The following PTPRG variants were observed in gnomAD, a reference collection of about 807,000 sequenced individuals.
The protein encoded by PTPRG is protein tyrosine phosphatase receptor type G.
A neutral mutation model predicts 165.3 loss-of-function variants in PTPRG; 102 were observed. That is an observed-to-expected ratio of 0.62 (90% CI 0.53 to 0.73). The LOEUF is 0.73. PTPRG is among the 30% of genes least tolerant of loss of function. The probability of loss-of-function intolerance (pLI) is 0.00; values close to 1 mark genes in which losing one functional copy is unlikely to be tolerated. For synonymous variants in PTPRG, 675 were observed against 669.5 expected, an observed-to-expected ratio of 1.01 and a Z score of -0.13; for missense variants, 1,866 against 1,861.4, an observed-to-expected ratio of 1.00 and a Z score of -0.05.
intron 3 of PTPRG, among the ~76,000 whole-genome samples, chr3:61,994,835 G>C (rs764221607): frequency 6.6e-6 from 1 of 152,162 alleles, no homozygotes; most frequent in African/African-American, 2.4e-5. Context: ...ATGTAGCTCT[G>C]CTGCTCTGCT....
At position 62,255,023 on chromosome 3, in the gene PTPRG, C is replaced by G; in HGVS notation, c.2468-101C>G. Reference sequence around the variant, plus strand: ...TGTGATACAATTATTTTGCTCTTTGCAAAAATCAAGTATTTGTCTTAAGGA... The same window carrying G: ...TGTGATACAATTATTTTGCTCTTTGGAAAAATCAAGTATTTGTCTTAAGGA... On this transcript the variant is annotated intron_variant, in intron 15 of 29. Transcript: ENST00000474889. The surrounding 1 kb of genome is among the most constrained non-coding windows in gnomAD (Gnocchi z 4.0). 9.9e-7 allele frequency: 1 copy of G among 1,011,576 alleles called. No homozygotes were observed. 62.7% of individuals were successfully genotyped at this position (1,011,576 alleles called of 1,614,324 possible). A position where few individuals can be genotyped will look rare whatever the true frequency, so the allele number is the denominator to read the frequency against.
In PTPRG at chr3:62,269,186, G is replaced by C. The variant is rs1012172155; in HGVS notation, c.3009+17G>C. The stretch of plus-strand genomic sequence containing the variant: ...GTGAAAAAGGTATGGAAGGAATTGG[G>C]TAGGCTGCCAGGGCATCCCCTTTTT... On this transcript the variant is annotated intron_variant, in intron 20 of 29. Transcript: ENST00000474889. 6 of 1,565,798 alleles carry C rather than the reference G, an allele frequency of 3.8e-6. No individual in the cohort carries two copies. In the South Asian group the frequency reaches 7.1e-5, roughly 18 times the overall value.
chr3:61,905,568 C>T (rs778385872), intron 2 of PTPRG, among the ~76,000 whole-genome samples: 1 of 152,182 alleles, frequency 6.6e-6, no homozygotes, highest in Non-Finnish European at 1.5e-5. Flanking sequence ...TTGTTAGACA[C>T]GTAACACAAA....
chr3:61,986,525 A>C (rs529674571), intron 2 of PTPRG, among the ~76,000 whole-genome samples: 12 of 152,310 alleles, frequency 7.9e-5, no homozygotes, highest in African/African-American at 2.9e-4. Flanking sequence ...AATGAGAAAC[A>C]CTATTACATT....
intron 1 of PTPRG, among the ~76,000 whole-genome samples, chr3:61,637,299 C>T (rs2106943686): frequency 6.6e-6 from 1 of 152,278 alleles, no homozygotes. Flanking sequence ...TCTTGTCCCA[C>T]TTATTATCAG....
At chr3:62,110,002 A>C in intron 5 of PTPRG, among the ~76,000 whole-genome samples, 1 of 151,672 alleles carries the variant, frequency 6.6e-6, no homozygotes, top group Non-Finnish European at 1.5e-5. Flanking sequence ...TCAAGGTCTA[A>C]ATATCAGCCT....
At chr3:62,247,374 C>A (rs577268734) in intron 15 of PTPRG, among the ~76,000 whole-genome samples, 1 of 152,118 alleles carries the variant, frequency 6.6e-6, no homozygotes, top group Non-Finnish European at 1.5e-5. Context: ...GATATTGATT[C>A]ATTAAATCAA....
chr3:61,837,046 G>A (rs1489617282), intron 2 of PTPRG, among the ~76,000 whole-genome samples: 3 of 152,182 alleles, frequency 2.0e-5, no homozygotes, highest in African/African-American at 7.2e-5. Context: ...GAGTAGCTGG[G>A]ATTACAGGTA....
chr3:62,277,290 C>G (rs1702261726), intron 25 of PTPRG, among the ~76,000 whole-genome samples: 1 of 152,090 alleles, frequency 6.6e-6, no homozygotes. Flanking sequence ...TTTCACACAT[C>G]TAGTCTTTGA....
At chr3:61,589,324 A>G (rs912198947) in intron 1 of PTPRG, among the ~76,000 whole-genome samples, 4 of 152,142 alleles carry the variant, frequency 2.6e-5, no homozygotes, top group African/African-American at 9.7e-5. Context: ...CTCTAATACC[A>G]TCTCATTAAG....
At chr3:61,904,926 C>A (rs1553689012) in intron 2 of PTPRG, among the ~76,000 whole-genome samples, 1 of 149,420 alleles carries the variant, frequency 6.7e-6, no homozygotes, top group South Asian at 2.1e-4. Flanking sequence ...TTTTTTGATG[C>A]TCAAAAGTAA....
intron 1 of PTPRG, among the ~76,000 whole-genome samples, chr3:61,564,664 T>A (rs998846108): frequency 6.6e-6 from 1 of 152,098 alleles, no homozygotes; most frequent in Non-Finnish European, 1.5e-5. Flanking sequence ...ATATCAGAGC[T>A]CTGGGAGACG....
intron 2 of PTPRG, among the ~76,000 whole-genome samples, chr3:61,923,252 G>T (rs190194126): frequency 2.5e-4 from 38 of 152,270 alleles, no homozygotes; most frequent in African/African-American, 8.9e-4. Flanking sequence ...TGTGTCAGTG[G>T]AGACCCTGAG....
At chr3:61,914,869 G>A (rs1345609315) in intron 2 of PTPRG, among the ~76,000 whole-genome samples, 1 of 152,188 alleles carries the variant, frequency 6.6e-6, no homozygotes, top group African/African-American at 2.4e-5. Flanking sequence ...TATATGGGAT[G>A]CATTTTATTT....
At chr3:61,765,016 G>A (rs992896374) in intron 2 of PTPRG, among the ~76,000 whole-genome samples, 3 of 152,102 alleles carry the variant, frequency 2.0e-5, no homozygotes, top group African/African-American at 4.8e-5. Flanking sequence ...CAAGATTGAC[G>A]AACCCTAAAC....
chr3:62,270,207 G>A (rs372925397), intron 20 of PTPRG, among the ~76,000 whole-genome samples: 3 of 150,830 alleles, frequency 2.0e-5, no homozygotes, highest in East Asian at 3.9e-4. Flanking sequence ...TTTTCTTGGT[G>A]TCTTGGACAT....
chr3:61,711,253 G>C (rs139966131), intron 1 of PTPRG, among the ~76,000 whole-genome samples: 3,083 of 152,290 alleles, frequency 0.02, 108 homozygotes, highest in African/African-American at 0.067. Context: ...TGTCTTTATA[G>C]TAGAATGATT....
At chr3:62,182,951 G>A (rs1705719616) in intron 8 of PTPRG, among the ~76,000 whole-genome samples, 1 of 152,290 alleles carries the variant, frequency 6.6e-6, no homozygotes, top group Admixed American at 6.5e-5. Context: ...CACTACGCCC[G>A]GCTAACAGTA....
At chr3:62,034,814 A>T (rs1225691997) in intron 4 of PTPRG, among the ~76,000 whole-genome samples, 1 of 152,222 alleles carries the variant, frequency 6.6e-6, no homozygotes, top group Non-Finnish European at 1.5e-5. Flanking sequence ...ATCTTTCTCC[A>T]CAGTATACTT....
Sources: allele counts gnomAD v4.1 joint callset (sites outside exome capture counted in the v4.1 genomes callset), GRCh38; gene constraint gnomAD v4.1.1; non-coding constraint Gnocchi (gnomAD v3.1); transcripts MANE v1.5; gene names NCBI Gene and HGNC (gene_info 2026-07-23, HGNC 2026-07-21).